Variants in GRAMD1C observed in about 807,000 individuals in gnomAD.
The protein encoded by GRAMD1C is protein Aster-C.
GRAMD1C carries 89 observed loss-of-function variants against 97.8 expected under a neutral mutation model. That is an observed-to-expected ratio of 0.91 (90% CI 0.77 to 1.09). GRAMD1C has a LOEUF of 1.09. Ranked by LOEUF, GRAMD1C falls within the 50% of genes least tolerant of loss-of-function variation. The pLI, the probability that GRAMD1C is intolerant of heterozygous loss-of-function variation, is 0.00. For synonymous variants in GRAMD1C, 256 were observed against 267.0 expected, an observed-to-expected ratio of 0.96 and a Z score of 0.40; for missense variants, 740 against 766.4, an observed-to-expected ratio of 0.97 and a Z score of 0.41.
At chr3:113,863,021 T>C (rs1398249728) in intron 2 of GRAMD1C, among the ~76,000 whole-genome samples, 1 of 152,106 alleles carries the variant, frequency 6.6e-6, no homozygotes, top group East Asian at 1.9e-4. Context: ...TTTTGGAAAA[T>C]AGTTTGGCAC....
At position 113,844,534 on chromosome 3, in the gene GRAMD1C, C is replaced by T. The variant is rs141093598; in HGVS notation, c.59C>T (p.Thr20Ile). 3.2e-4 allele frequency: 521 copies of T among 1,604,872 alleles called. 1 individual carries two copies. The African/African-American group carries it at 6.4e-3, about 20-fold the overall frequency. Reference protein sequence around the residue: ...VMNEGDSSLATDLQEDVEENP... With the variant: ...VMNEGDSSLAIDLQEDVEENP... ...AATGAAGGGGATTCAAGCCTTGCCA[C>T]CGACTTACAGGAAGATGTAGAGGAA... The change falls in exon 2 of 18, where the codon ACC (threonine) becomes ATC (isoleucine). Residue 20 changes from threonine to isoleucine, a missense_variant. Physicochemically the swap from Thr to Ile is moderately conservative, Grantham distance 89. Coordinates refer to ENST00000358160, the MANE Select transcript of GRAMD1C (RefSeq NM_017577.5).
intron 2 of GRAMD1C, among the ~76,000 whole-genome samples, chr3:113,864,720 C>A (rs894125937): frequency 5.9e-5 from 9 of 152,218 alleles, no homozygotes; most frequent in Admixed American, 5.9e-4. Context: ...GTTCTGTTCA[C>A]AACCACTTAA....
chr3:113,893,831 G>C (rs1935830374), intron 6 of GRAMD1C, among the ~76,000 whole-genome samples: 1 of 152,160 alleles, frequency 6.6e-6, no homozygotes, highest in South Asian at 2.1e-4. Context: ...CAATTTAGTA[G>C]AACTTCAATG....
intron 2 of GRAMD1C, among the ~76,000 whole-genome samples, chr3:113,849,926 AC>A (rs570943730): frequency 2.2e-5 from 3 of 138,700 alleles, no homozygotes; most frequent in African/African-American, 2.7e-5. Flanking sequence ...GGGGGGGCTG[AC>A]CCCCCCACCT....
intron 9 of GRAMD1C, among the ~76,000 whole-genome samples, chr3:113,912,380 A>G (rs1473572350): frequency 6.6e-6 from 1 of 152,198 alleles, no homozygotes; most frequent in Non-Finnish European, 1.5e-5. Flanking sequence ...TTTAAAACAT[A>G]TTTTAAAAAC....
chr3:113,880,549 C>G (rs1360018235), intron 5 of GRAMD1C, among the ~76,000 whole-genome samples: 2 of 152,034 alleles, frequency 1.3e-5, no homozygotes, highest in Non-Finnish European at 2.9e-5. Context: ...CAGTTAGTTT[C>G]TTTCTAATAT....
At chr3:113,859,985 C>T (rs1026925844) in intron 2 of GRAMD1C, among the ~76,000 whole-genome samples, 5 of 152,092 alleles carry the variant, frequency 3.3e-5, no homozygotes, top group African/African-American at 1.2e-4. Flanking sequence ...ATTAAGAAAA[C>T]AATTCCATTT....
At position 113,933,508 on chromosome 3, in the gene GRAMD1C, C is replaced by G. The variant is rs1937514414; in HGVS notation, c.1210-3C>G. 1.2e-6 allele frequency: 2 copies of G among 1,605,426 alleles called. No homozygotes were observed. The highest frequency in any genetic ancestry group is 2.2e-5 in the South Asian group (2 of 90,700). On this transcript the variant is annotated splice_polypyrimidine_tract_variant and splice_region_variant and intron_variant, in intron 11 of 17. Coordinates refer to ENST00000358160, the MANE Select transcript of GRAMD1C (RefSeq NM_017577.5). Reference sequence around the variant, plus strand: ...ACAAACATTTTTTATCTTACTTTGGCAGACACTGTATAAAGAAAGTCGGGA... The same window carrying G: ...ACAAACATTTTTTATCTTACTTTGGGAGACACTGTATAAAGAAAGTCGGGA...
intron 3 of GRAMD1C, among the ~76,000 whole-genome samples, chr3:113,874,663 T>A (rs1008584081): frequency 6.6e-6 from 1 of 152,168 alleles, no homozygotes; most frequent in Non-Finnish European, 1.5e-5. Flanking sequence ...AGAAACAACT[T>A]TGAAACTGAC....
intron 6 of GRAMD1C, chr3:113,885,343 T>G (rs770444389): frequency 7.5e-6 from 12 of 1,592,856 alleles, no homozygotes; most frequent in African/African-American, 1.3e-5. Context: ...GTTCGTGGCC[T>G]TCGCTGCCAA....
rs564143150 is a variant in GRAMD1C, at chr3:113,933,529, C to T, written c.1228C>T (p.Arg410Trp). The stretch of plus-strand genomic sequence containing the variant: ...TTGGCAGACACTGTATAAAGAAAGT[C>T]GGGAAGCACGATTTTATTTGGTAGA... Reference protein sequence around the residue: ...TEKQTLYKESREARFYLVDSE... With the variant: ...TEKQTLYKESWEARFYLVDSE... The change falls in exon 12 of 18, where the codon CGG becomes TGG. Residue 410 changes from arginine (R) to tryptophan (W), a missense_variant. Physicochemically the swap from Arg to Trp is moderately radical, Grantham distance 101. Transcript: ENST00000358160. 3.7e-6 allele frequency: 6 copies of T among 1,611,108 alleles called. No homozygotes were observed. Among genetic ancestry groups the T allele is most frequent in the South Asian group, 2.2e-5 (2 of 90,978 alleles).
chr3:113,850,784 T>A (rs1041436929), intron 2 of GRAMD1C: 46 of 838,024 alleles, frequency 5.5e-5, no homozygotes, highest in African/African-American at 2.0e-4. Flanking sequence ...ACTTAATTTT[T>A]TTTTTATTTT....
At chr3:113,896,345 C>A (rs1438853302) in intron 6 of GRAMD1C, among the ~76,000 whole-genome samples, 1 of 152,142 alleles carries the variant, frequency 6.6e-6, no homozygotes, top group Non-Finnish European at 1.5e-5. Flanking sequence ...TCTGGTATTT[C>A]CCTGAATCTT....
At chr3:113,917,750 T>C (rs1936878627) in intron 10 of GRAMD1C, among the ~76,000 whole-genome samples, 1 of 149,432 alleles carries the variant, frequency 6.7e-6, no homozygotes, top group Non-Finnish European at 1.5e-5. Context: ...TGGAGTGCTA[T>C]GGTGCAATCT....
At chr3:113,874,608 G>A (rs1226064727) in intron 3 of GRAMD1C, among the ~76,000 whole-genome samples, 1 of 152,218 alleles carries the variant, frequency 6.6e-6, no homozygotes, top group Non-Finnish European at 1.5e-5. Flanking sequence ...GCCTCCCAAA[G>A]TGTTGAGATT....
In GRAMD1C at chr3:113,876,206, A is replaced by G. The variant is rs762199256; in HGVS notation, c.405A>G (p.Glu135=). 6.2e-7 allele frequency: 1 copy of G among 1,603,208 alleles called. No individual in the cohort carries two copies. The highest frequency in any genetic ancestry group is 1.1e-5 in the South Asian group (1 of 90,422). ...ALKNITFMTK[E]KTARLIPNAI... ...AGAATATAACCTTCATGACCAAGGA[A>G]AAAACTGCTCGACTCATCCCAAACG... Residue 135 remains glutamate (E), a synonymous_variant, in exon 5 of 18, where the codon GAA becomes GAG. Transcript: ENST00000358160.
Position 113,942,158 on chromosome 3 carries a change from C to T in GRAMD1C, c.1908+1813C>T, listed in dbSNP as rs566460114. Among the ~76,000 whole-genome samples, 79 of 152,064 alleles carry T rather than the reference C, an allele frequency of 5.2e-4. 1 individual carries two copies. Among genetic ancestry groups the T allele is most frequent in the African/African-American group, 1.9e-3 (78 of 41,424 alleles). ...CAAACTCCTGGGCTCAGCAGATCTA[C>T]CTGCCTTGGCCTCCCAAAGTGTTGG... On this transcript the variant is annotated intron_variant, in intron 17 of 17. Coordinates refer to ENST00000358160, the MANE Select transcript of GRAMD1C (RefSeq NM_017577.5).
chr3:113,850,097 C>T (rs1207529563), intron 2 of GRAMD1C: 1 of 361,276 alleles, frequency 2.8e-6, no homozygotes, highest in Non-Finnish European at 5.4e-6. Flanking sequence ...CCCTAGAGCC[C>T]CTCCAGCTAG....
Position 113,850,321 on chromosome 3 carries a change from C to T in GRAMD1C, c.174+5672C>T, listed in dbSNP as rs1042840704. The stretch of plus-strand genomic sequence containing the variant: ...CTGACACAGCCCCAGCCTCGACTTT[C>T]TTGTTGGCACCAGGGGGCACAAAAC... On this transcript the variant is annotated intron_variant, in intron 2 of 17. Transcript: ENST00000358160. 4.2e-6 allele frequency: 3 copies of T among 722,250 alleles called. No homozygotes were observed. The African/African-American group carries it at 5.2e-5, about 13-fold the overall frequency. The allele number at this position is 722,250 out of a possible 1,614,324, so 44.7% of individuals were successfully genotyped here. A position where few individuals can be genotyped will look rare whatever the true frequency, so the allele number is the denominator to read the frequency against.
Sources: gnomAD v4.1 joint callset for allele counts (sites outside exome capture counted in the v4.1 genomes callset) on GRCh38, gnomAD v4.1.1 for gene constraint, MANE v1.5 for transcripts, NCBI Gene and HGNC (gene_info 2026-07-23, HGNC 2026-07-21) for gene names.